The following CLASP2 variants were observed in gnomAD, a reference collection of about 807,000 sequenced individuals.
CLASP2 encodes cytoplasmic linker associated protein 2.
CLASP2 carries 47 observed loss-of-function variants against 194.4 expected under a neutral mutation model. The observed-to-expected ratio is 0.24, with a 90% CI of 0.19 to 0.31. The LOEUF is 0.31. CLASP2 is among the 10% of genes least tolerant of loss of function. CLASP2 has a pLI of 1.00. For synonymous variants in CLASP2, 619 were observed against 633.5 expected (o/e 0.98, Z 0.34); for missense variants, 1,445 against 1,823.6 (o/e 0.79, Z 3.78).
chr3:33,600,693 T>C (rs1197342287), intron 18 of CLASP2, among the ~76,000 whole-genome samples: 2 of 152,220 alleles, frequency 1.3e-5, no homozygotes, highest in Non-Finnish European at 2.9e-5. Context: ...ACATACTATT[T>C]GGTAGTCTGC....
At chr3:33,568,467 T>TCC (rs199943665) in intron 26 of CLASP2, among the ~76,000 whole-genome samples, 10,445 of 148,456 alleles carry the variant, frequency 0.07, 441 homozygotes, top group Admixed American at 0.1. Context: ...GGCATGAGAA[T>TCC]CGCTTGAACC....
intron 9 of CLASP2, among the ~76,000 whole-genome samples, chr3:33,631,857 A>G (rs1418739752): frequency 9.6e-6 from 1 of 104,558 alleles, no homozygotes; most frequent in African/African-American, 5.1e-5. Flanking sequence ...AAATATAAAA[A>G]AAAAGCACTG....
chr3:33,637,435 G>A (rs984531749), intron 8 of CLASP2, among the ~76,000 whole-genome samples: 3 of 152,140 alleles, frequency 2.0e-5, no homozygotes, highest in East Asian at 3.8e-4. Context: ...TTGAAAGGCC[G>A]AGGCAGGAGA....
intron 32 of CLASP2, among the ~76,000 whole-genome samples, chr3:33,541,494 CCCTCTGG>C (rs1421696789): frequency 6.6e-6 from 1 of 152,174 alleles, no homozygotes; most frequent in Non-Finnish European, 1.5e-5. Flanking sequence ...CTACCCTCTG[CCCTCTGG>C]TAGGCCCCAG....
intron 6 of CLASP2, among the ~76,000 whole-genome samples, chr3:33,678,120 G>A (rs2089159418): frequency 6.6e-6 from 1 of 151,814 alleles, no homozygotes; most frequent in Non-Finnish European, 1.5e-5. Flanking sequence ...AAGAACTGTG[G>A]GGCATCTATA....
At chr3:33,509,435 GAACTCC>G (rs1437922675) in intron 37 of CLASP2, among the ~76,000 whole-genome samples, 3 of 152,120 alleles carry the variant, frequency 2.0e-5, no homozygotes, top group Non-Finnish European at 4.4e-5. Flanking sequence ...ACCTGGTCTT[GAACTCC>G]CGACCTCAGG....
chr3:33,563,204 C>T (rs1244068975), intron 27 of CLASP2, among the ~76,000 whole-genome samples: 1 of 152,174 alleles, frequency 6.6e-6, no homozygotes, highest in Non-Finnish European at 1.5e-5. Context: ...CAATTACTTT[C>T]TAATCATGAT....
chr3:33,689,464 C>T (rs2091093966), intron 3 of CLASP2, among the ~76,000 whole-genome samples: 1 of 151,898 alleles, frequency 6.6e-6, no homozygotes, highest in South Asian at 2.1e-4. Flanking sequence ...CTTCTGCTCT[C>T]TGTAGGAGTT....
At chr3:33,539,437 T>A (rs1348328403) in intron 32 of CLASP2, among the ~76,000 whole-genome samples, 3 of 151,944 alleles carry the variant, frequency 2.0e-5, no homozygotes, top group African/African-American at 7.3e-5. Flanking sequence ...CGAGTTCAAC[T>A]GATTCTCCTG....
intron 1 of CLASP2, among the ~76,000 whole-genome samples, chr3:33,709,939 A>G (rs1199842553): frequency 6.6e-6 from 1 of 152,210 alleles, no homozygotes; most frequent in Non-Finnish European, 1.5e-5. Flanking sequence ...GATGAAGTTG[A>G]GGTTACATTA....
chr3:33,626,308 C>A (rs1473071204), intron 10 of CLASP2, among the ~76,000 whole-genome samples: 1 of 152,064 alleles, frequency 6.6e-6, no homozygotes, highest in Non-Finnish European at 1.5e-5. Flanking sequence ...AAATGCAGCC[C>A]TTTTCTCTGG....
intron 23 of CLASP2, chr3:33,577,102 A>C: frequency 1.1e-6 from 1 of 943,118 alleles, no homozygotes; most frequent in Non-Finnish European, 1.5e-6. Flanking sequence ...TTAAATAATA[A>C]AAAATCAATT....
intron 34 of CLASP2, among the ~76,000 whole-genome samples, chr3:33,530,609 C>T (rs996532485): frequency 1.3e-5 from 2 of 152,186 alleles, no homozygotes; most frequent in Non-Finnish European, 2.9e-5. Flanking sequence ...CCAGCATTAT[C>T]ACAAACGTGT....
intron 8 of CLASP2, 74 bp from the exon 9 acceptor site, chr3:33,632,445 T>C: frequency 1.9e-6 from 2 of 1,045,948 alleles, no homozygotes; most frequent in South Asian, 3.2e-5. Flanking sequence ...ACATGAAAAA[T>C]AAAACTCTTT....
In CLASP2 at chr3:33,715,843, TAAGTAA is replaced by T. The variant is rs1168109817; in HGVS notation, c.195+1959_195+1964del. Reference sequence around the variant, plus strand: ...CAGTTAAGTATGTTTTATTGTATCTTAAGTAAAAAAAAAAAAAAAAAAAAAAAAAAA... The same window carrying T: ...CAGTTAAGTATGTTTTATTGTATCTTAAAAAAAAAAAAAAAAAAAAAAAAA... On this transcript the variant is annotated intron_variant, in intron 1 of 38. Transcript: ENST00000682230. Among the ~76,000 whole-genome samples, 9 of 109,836 alleles carry T rather than the reference TAAGTAA, an allele frequency of 8.2e-5. No homozygotes were observed. In the East Asian group the frequency reaches 2.0e-3, roughly 25 times the overall value. 72.1% of individuals were successfully genotyped at this position (109,836 alleles called of 152,430 possible). A position where few individuals can be genotyped will look rare whatever the true frequency, so the allele number is the denominator to read the frequency against.
intron 32 of CLASP2, among the ~76,000 whole-genome samples, chr3:33,542,205 C>T (rs1414122502): frequency 6.6e-6 from 1 of 151,974 alleles, no homozygotes; most frequent in African/African-American, 2.4e-5. Flanking sequence ...TTGAATCATA[C>T]AAGTGTGTGA....
intron 6 of CLASP2, among the ~76,000 whole-genome samples, chr3:33,681,785 A>C (rs558357503): frequency 6.6e-6 from 1 of 152,322 alleles, no homozygotes; most frequent in East Asian, 1.9e-4. Context: ...CCTCAAGCTG[A>C]AATCTGATCT....
chr3:33,604,307 G>C, intron 16 of CLASP2, 98 bp from the exon 17 acceptor site: 1 of 742,278 alleles, frequency 1.3e-6, no homozygotes, highest in Non-Finnish European at 2.2e-6. Flanking sequence ...AAGTTGAGAA[G>C]TATTTCTTTT....
At chr3:33,507,909 T>C (rs2154082920) in intron 37 of CLASP2, among the ~76,000 whole-genome samples, 1 of 152,098 alleles carries the variant, frequency 6.6e-6, no homozygotes, top group East Asian at 1.9e-4. Flanking sequence ...ACGATGTTGG[T>C]GGCTACTGAA....
Sources: allele counts gnomAD v4.1 joint callset (sites outside exome capture counted in the v4.1 genomes callset), GRCh38; gene constraint gnomAD v4.1.1; transcripts MANE v1.5; gene names NCBI Gene and HGNC (gene_info 2026-07-23, HGNC 2026-07-21).